Variants in TOX2 observed in about 807,000 individuals in gnomAD.
TOX2 encodes granulosa cell HMG box 1.
TOX2 carries 15 observed loss-of-function variants against 47.4 expected under a neutral mutation model. That is an observed-to-expected ratio of 0.32 (90% CI 0.21 to 0.49). The LOEUF (loss-of-function observed/expected upper bound fraction) is 0.49, where lower values mean the gene tolerates loss of function less well. Among genes scored for constraint, TOX2 ranks in the 20% least tolerant of loss-of-function variants. The pLI, the probability that TOX2 is intolerant of heterozygous loss-of-function variation, is 0.99. For synonymous variants in TOX2, 290 were observed against 296.6 expected (o/e 0.98, Z 0.23); for missense variants, 622 against 673.1 (o/e 0.92, Z 0.84).
chr20:43,982,838 GA>G (rs35337246), intron 2 of TOX2, among the ~76,000 whole-genome samples: 23,780 of 150,996 alleles, frequency 0.16, 2,269 homozygotes, highest in Admixed American at 0.29. Context: ...TGGAGAGGGA[GA>G]AGGATGTCAG....
intron 1 of TOX2, among the ~76,000 whole-genome samples, chr20:43,944,469 G>A (rs2069440008): frequency 6.6e-6 from 1 of 152,140 alleles, no homozygotes; most frequent in Non-Finnish European, 1.5e-5. Context: ...AGCATTCCAG[G>A]CAGAGGGAAC....
At chr20:43,988,109 G>A (rs1206842934) in intron 2 of TOX2, among the ~76,000 whole-genome samples, 3 of 151,818 alleles carry the variant, frequency 2.0e-5, no homozygotes, top group Non-Finnish European at 4.4e-5. Flanking sequence ...TATTAGAGAC[G>A]GGGCTTTACC....
intron 1 of TOX2, among the ~76,000 whole-genome samples, chr20:43,956,873 C>T (rs1340213822): frequency 3.3e-5 from 5 of 152,068 alleles, no homozygotes; most frequent in Non-Finnish European, 5.9e-5. Flanking sequence ...AAGATATCGC[C>T]TCTTGTGTGA....
chr20:44,051,234 C>T (rs1446381259), intron 3 of TOX2, 72 bp from the exon 4 acceptor site: 21 of 1,525,730 alleles, frequency 1.4e-5, no homozygotes, highest in Non-Finnish European at 1.9e-5. Flanking sequence ...TCCTCTAAGT[C>T]CGCTAGCACA....
chr20:43,966,196 T>A (rs563484160), intron 1 of TOX2, among the ~76,000 whole-genome samples: 3 of 152,326 alleles, frequency 2.0e-5, no homozygotes, highest in African/African-American at 7.2e-5. Context: ...GAAGTTAAAG[T>A]CACTGAGCTC....
chr20:44,038,719 G>A (rs1296757247), intron 3 of TOX2, among the ~76,000 whole-genome samples: 1 of 152,122 alleles, frequency 6.6e-6, no homozygotes, highest in South Asian at 2.1e-4. Context: ...TTCGGAGGAC[G>A]CAGGGTGGCT....
intron 1 of TOX2, among the ~76,000 whole-genome samples, chr20:43,968,487 G>A (rs889312080): frequency 6.6e-6 from 1 of 152,164 alleles, no homozygotes; most frequent in Non-Finnish European, 1.5e-5. Flanking sequence ...AGGGGCCGAG[G>A]AGCTCTTTTC....
chr20:43,918,157 T>G (rs1286047571), intron 1 of TOX2, among the ~76,000 whole-genome samples: 3 of 152,208 alleles, frequency 2.0e-5, no homozygotes, highest in Non-Finnish European at 4.4e-5. Context: ...CTGGTTCAGA[T>G]TTTGGCAAGG....
intron 2 of TOX2, among the ~76,000 whole-genome samples, chr20:44,003,709 G>T (rs923174979): frequency 6.6e-6 from 1 of 152,206 alleles, no homozygotes; most frequent in African/African-American, 2.4e-5. Flanking sequence ...AAAACCTATT[G>T]TGGAGAGATG....
At chr20:44,061,293 AC>A (rs2071714373) in intron 5 of TOX2, among the ~76,000 whole-genome samples, 1 of 152,144 alleles carries the variant, frequency 6.6e-6, no homozygotes, top group Non-Finnish European at 1.5e-5. Context: ...ATTCTATCAG[AC>A]TTTTAAAGGA....
chr20:44,068,753 A>C lies in TOX2; in HGVS notation c.*67A>C. Reference sequence around the variant, plus strand: ...GCTCAGAGCCTGAAGGGCTGACAGCAGAAAAGAGGCCCTGGCCAGAGGCAG... The same window carrying C: ...GCTCAGAGCCTGAAGGGCTGACAGCCGAAAAGAGGCCCTGGCCAGAGGCAG... On this transcript the variant is annotated 3_prime_UTR_variant, in exon 9 of 9. Coordinates refer to ENST00000341197, the MANE Select transcript of TOX2 (RefSeq NM_001098797.2). 1 of 1,605,388 alleles carries C rather than the reference A, an allele frequency of 6.2e-7. No individual in the cohort carries two copies.
chr20:43,928,988 A>AAAAAAC (rs1555829648), intron 1 of TOX2, among the ~76,000 whole-genome samples: 1 of 150,218 alleles, frequency 6.7e-6, no homozygotes, highest in African/African-American at 2.5e-5. Context: ...TATGAAAAAA[A>AAAAAAC]AAAAAAAAAA....
chr20:44,012,904 G>A (rs1569095005), intron 3 of TOX2, among the ~76,000 whole-genome samples: 1 of 152,200 alleles, frequency 6.6e-6, no homozygotes, highest in Non-Finnish European at 1.5e-5. Context: ...GCCAAGATAG[G>A]CCCTTCATGC....
At chr20:43,929,704 T>C (rs1164044641) in intron 1 of TOX2, among the ~76,000 whole-genome samples, 2 of 152,116 alleles carry the variant, frequency 1.3e-5, no homozygotes, top group East Asian at 3.8e-4. Context: ...TTTTTTAATT[T>C]TTTATTTGTT....
In TOX2 at chr20:43,931,340, G is replaced by T. The variant is rs151191152; in HGVS notation, c.99+16350G>T. ...TTTTGACAAGGGGTCTCACCATGTT[G>T]CCCAGGCTGGTCTCCAACTCCTGGG... On this transcript the variant is annotated intron_variant, in intron 1 of 8. Transcript: ENST00000341197. Among the ~76,000 whole-genome samples the T allele has an allele frequency of 5.1e-3, 775 of 152,242 alleles. 16 individuals are homozygous for T. In the South Asian group the frequency reaches 0.054, roughly 11 times the overall value.
chr20:43,974,066 C>T (rs1482283287), intron 2 of TOX2, among the ~76,000 whole-genome samples: 1 of 152,174 alleles, frequency 6.6e-6, no homozygotes, highest in Non-Finnish European at 1.5e-5. Context: ...CAGCTGGGAG[C>T]ATCCTCACTA....
intron 2 of TOX2, among the ~76,000 whole-genome samples, chr20:43,989,907 T>TA: frequency 6.6e-6 from 1 of 152,310 alleles, no homozygotes; most frequent in South Asian, 2.1e-4. Flanking sequence ...CTCAATGTGA[T>TA]ACTCAAGGCT....
intron 8 of TOX2, among the ~76,000 whole-genome samples, chr20:44,068,310 C>G (rs908952823): frequency 3.7e-4 from 56 of 152,164 alleles, no homozygotes; most frequent in African/African-American, 1.4e-3. Context: ...CACCTGTCCT[C>G]CCTTAATTCA....
intron 5 of TOX2, among the ~76,000 whole-genome samples, chr20:44,057,563 C>CATCAAAGAGCTA (rs1461797202): frequency 6.6e-6 from 1 of 152,176 alleles, no homozygotes; most frequent in African/African-American, 2.4e-5. Context: ...TCTTTCAAAT[C>CATCAAAGAGCTA]ATCAAAGAGC....
Sources: allele counts gnomAD v4.1 joint callset (sites outside exome capture counted in the v4.1 genomes callset), GRCh38; gene constraint gnomAD v4.1.1; transcripts MANE v1.5; gene names NCBI Gene and HGNC (gene_info 2026-07-23, HGNC 2026-07-21).